The following ALDH1L1 variants were observed in gnomAD, a reference collection of about 807,000 sequenced individuals.
ALDH1L1 encodes the protein aldehyde dehydrogenase 1 family member L1.
In ALDH1L1, 68 loss-of-function variants were observed where a neutral mutation model predicts 101.1. The ratio of observed to expected loss-of-function variants is 0.67; its 90% CI spans 0.55 to 0.82. The LOEUF is 0.82. Ranked by LOEUF, ALDH1L1 falls within the 40% of genes least tolerant of loss-of-function variation. ALDH1L1 has a pLI of 0.00. For synonymous variants in ALDH1L1, 486 were observed against 470.8 expected (o/e 1.03, Z -0.42); for missense variants, 1,087 against 1,172.7 (o/e 0.93, Z 1.07).
At chr3:126,164,514 G>A (rs1348986) in intron 1 of ALDH1L1, among the ~76,000 whole-genome samples, 79,593 of 151,930 alleles carry the variant, frequency 0.52, 21,432 homozygotes, top group Middle Eastern at 0.6. Flanking sequence ...TTAGGATTAC[G>A]GCCTCTAGTC....
intron 19 of ALDH1L1, among the ~76,000 whole-genome samples, chr3:126,111,833 TG>T (rs1305237385): frequency 2.0e-5 from 3 of 152,078 alleles, no homozygotes; most frequent in Non-Finnish European, 4.4e-5. Flanking sequence ...CTAGGGGCGG[TG>T]GGGGGCGGTG....
chr3:126,145,365 T>C (rs1007221677), intron 9 of ALDH1L1, among the ~76,000 whole-genome samples: 1 of 152,184 alleles, frequency 6.6e-6, no homozygotes, highest in Admixed American at 6.5e-5. Context: ...TGGGTATTTG[T>C]CCAAAAGAAC....
At chr3:126,178,054 C>G (rs1032790526) in intron 1 of ALDH1L1, among the ~76,000 whole-genome samples, 1 of 142,864 alleles carries the variant, frequency 7.0e-6, no homozygotes, top group Non-Finnish European at 1.5e-5. Flanking sequence ...AAGAAAAAAG[C>G]TGTAACAAAA....
At chr3:126,136,684 C>A in intron 11 of ALDH1L1, 80 bp downstream of exon 11, 1 of 1,537,826 alleles carries the variant, frequency 6.5e-7, no homozygotes. Flanking sequence ...GGGTCAGGAC[C>A]CCCAGAGGCC....
At chr3:126,139,856 C>A (rs1253961202) in intron 9 of ALDH1L1, among the ~76,000 whole-genome samples, 1 of 151,828 alleles carries the variant, frequency 6.6e-6, no homozygotes, top group Non-Finnish European at 1.5e-5. Context: ...ATTATCCAGT[C>A]TGAGAAGCAG....
At chr3:126,107,065 C>T in intron 21 of ALDH1L1, 76 bp downstream of exon 21, 1 of 1,378,776 alleles carries the variant, frequency 7.3e-7, no homozygotes, top group East Asian at 2.3e-5. Flanking sequence ...TAGACTACCT[C>T]CCAAAGCCCA....
chr3:126,138,533 C>T (rs1412264582), intron 9 of ALDH1L1, among the ~76,000 whole-genome samples: 1 of 152,160 alleles, frequency 6.6e-6, no homozygotes, highest in Non-Finnish European at 1.5e-5. Flanking sequence ...ACAAGACACT[C>T]AACATCATTA....
chr3:126,163,588 T>A (rs886647585), intron 1 of ALDH1L1, among the ~76,000 whole-genome samples: 23 of 152,220 alleles, frequency 1.5e-4, no homozygotes, highest in Non-Finnish European at 3.2e-4. Context: ...ACTAGCATAT[T>A]ATGAAAGTTG....
chr3:126,160,835 C>A lies in ALDH1L1; in HGVS notation c.127+18G>T. On this transcript the variant is annotated intron_variant, in intron 2 of 22. Transcript: ENST00000393434. ...GGGCCGCCCTCCATCAGCTTCCCTGCTCCATTGGCTCACTCACCCAGGGGG... is the reference window on the plus strand; with the variant it reads ...GGGCCGCCCTCCATCAGCTTCCCTGATCCATTGGCTCACTCACCCAGGGGG... The A allele has an allele frequency of 6.2e-7, 1 of 1,612,306 alleles. No individual in the cohort carries two copies. The highest frequency in any genetic ancestry group is 8.5e-7 in the Non-Finnish European group (1 of 1,178,994).
At chr3:126,187,915 G>A (rs2081530337) in intron 1 of ALDH1L1, among the ~76,000 whole-genome samples, 3 of 152,064 alleles carry the variant, frequency 2.0e-5, no homozygotes, top group East Asian at 1.9e-4. Context: ...CCTTAAGCAA[G>A]TTTAAACTTG....
chr3:126,185,672 C>T (rs1278677352), upstream of ALDH1L1, among the ~76,000 whole-genome samples: 1 of 152,014 alleles, frequency 6.6e-6, no homozygotes, highest in Non-Finnish European at 1.5e-5. Flanking sequence ...TCAGGGGTCA[C>T]GAGGCCACAA....
At chr3:126,107,546 C>G (rs953277793) in intron 20 of ALDH1L1, among the ~76,000 whole-genome samples, 2 of 152,236 alleles carry the variant, frequency 1.3e-5, no homozygotes, top group Non-Finnish European at 2.9e-5. Context: ...GTGCCAGAAC[C>G]CATGGCCGAA....
chr3:126,135,448 T>G (rs1576443469), intron 12 of ALDH1L1, 87 bp downstream of exon 12: 1 of 1,547,304 alleles, frequency 6.5e-7, no homozygotes. Flanking sequence ...TCCTGGCAGG[T>G]AAAAGGGCCT....
intron 12 of ALDH1L1, among the ~76,000 whole-genome samples, chr3:126,134,546 C>A (rs2080383636): frequency 6.6e-6 from 1 of 152,244 alleles, no homozygotes; most frequent in Non-Finnish European, 1.5e-5. Flanking sequence ...CTATGAAAGG[C>A]TGGGCATGCC....
At chr3:126,157,168 A>G (rs928691368) in intron 4 of ALDH1L1, among the ~76,000 whole-genome samples, 175 bp downstream of exon 4, 2 of 152,118 alleles carry the variant, frequency 1.3e-5, no homozygotes, top group East Asian at 1.9e-4. Context: ...TCCTAATACA[A>G]TACACTGTTT....
chr3:126,126,429 C>G (rs890683213), intron 14 of ALDH1L1, among the ~76,000 whole-genome samples: 22 of 152,172 alleles, frequency 1.4e-4, no homozygotes, highest in Admixed American at 1.4e-3. Context: ...CACAGAGCCC[C>G]GTAGACCACG....
chr3:126,110,730 T>C (rs561235364), intron 19 of ALDH1L1, among the ~76,000 whole-genome samples: 4 of 152,232 alleles, frequency 2.6e-5, no homozygotes, highest in South Asian at 4.2e-4. Context: ...CAGGGCCCAC[T>C]GTGTGCCTCT....
chr3:126,132,572 G>A (rs1218588900), intron 12 of ALDH1L1, among the ~76,000 whole-genome samples: 1 of 152,086 alleles, frequency 6.6e-6, no homozygotes, highest in African/African-American at 2.4e-5. Flanking sequence ...TGGCTTTTAG[G>A]GGCTGTGTTG....
Position 126,104,164 on chromosome 3 carries a change from A to G in ALDH1L1, c.2654-318T>C, listed in dbSNP as rs564762920. On this transcript the variant is annotated intron_variant, in intron 22 of 22. Transcript: ENST00000393434. ...GTGGAGAGACTTGGCGTTACTGCCC[A>G]GACTCACTGGCCCATCTCTTCTCTC... is the stretch of plus-strand genomic sequence containing the variant. The G allele has an allele frequency of 4.9e-5, 21 of 430,218 alleles. No homozygotes were observed. In the East Asian group the frequency reaches 8.7e-4, roughly 18 times the overall value. The allele number at this position is 430,218 out of a possible 1,614,324, so 26.7% of individuals were successfully genotyped here. A position where few individuals can be genotyped will look rare whatever the true frequency, so the allele number is the denominator to read the frequency against.
Sources: allele counts gnomAD v4.1 joint callset (sites outside exome capture counted in the v4.1 genomes callset), GRCh38; gene constraint gnomAD v4.1.1; transcripts MANE v1.5; gene names NCBI Gene and HGNC (gene_info 2026-07-23, HGNC 2026-07-21).